Variants in TSPAN12 observed in about 807,000 individuals in gnomAD.
TSPAN12 encodes tetraspanin 12.
Under a neutral mutation model 39.2 loss-of-function variants are expected in TSPAN12, and 19 were observed. The ratio of observed to expected loss-of-function variants is 0.49; its 90% confidence interval spans 0.34 to 0.71. TSPAN12 has a LOEUF of 0.71. TSPAN12 is among the 30% of genes least tolerant of loss of function. The probability of loss-of-function intolerance (pLI) is 0.01; values close to 1 mark genes in which losing one functional copy is unlikely to be tolerated. For missense variants in TSPAN12, 314 were observed against 359.9 expected (o/e 0.87, Z 1.03); for synonymous variants, 119 against 124.8 (o/e 0.95, Z 0.31).
intron 4 of TSPAN12, among the ~76,000 whole-genome samples, chr7:120,827,173 G>T (rs529833765): frequency 6.6e-6 from 1 of 151,514 alleles, no homozygotes; most frequent in Non-Finnish European, 1.5e-5. Flanking sequence ...GTCTGCAAAA[G>T]TATCTCCTTC....
At chr7:120,799,518 AAT>A (rs1359390179) in intron 7 of TSPAN12, among the ~76,000 whole-genome samples, 3 of 107,910 alleles carry the variant, frequency 2.8e-5, no homozygotes, top group Non-Finnish European at 5.4e-5. Flanking sequence ...AATTATATAT[AAT>A]TAATTATATA....
rs754576787 is a variant in TSPAN12, at chr7:120,806,590, T to C, written c.571A>G (p.Lys191Glu). ...CCVREFPGCS[K>E]QAHQEDLSDL... Reference sequence around the variant, plus strand: ...CTGAGATCTTCCTGGTGGGCCTGTTTGGAACATCCTGGGAATTCTCTAACA... The same window carrying C: ...CTGAGATCTTCCTGGTGGGCCTGTTCGGAACATCCTGGGAATTCTCTAACA... The change falls in exon 7 of 8, where the codon AAA becomes GAA. Residue 191 changes from lysine to glutamate, a missense_variant. By Grantham distance (56) the Lys-to-Glu change is moderately conservative. Coordinates refer to ENST00000222747, the MANE Select transcript of TSPAN12 (RefSeq NM_012338.4). 2 of 1,613,584 alleles carry C rather than the reference T, an allele frequency of 1.2e-6. No individual in the cohort carries two copies. The highest frequency in any genetic ancestry group is 2.2e-5 in the East Asian group (1 of 44,866).
chr7:120,808,523 A>ATATGAG (rs1793917872), intron 6 of TSPAN12, among the ~76,000 whole-genome samples: 3 of 152,164 alleles, frequency 2.0e-5, no homozygotes, highest in African/African-American at 7.2e-5. Flanking sequence ...TCCATTTTAC[A>ATATGAG]TATGAGTAAA....
At chr7:120,819,989 C>CCTATCA (rs536764357) in intron 4 of TSPAN12, among the ~76,000 whole-genome samples, 81 of 152,108 alleles carry the variant, frequency 5.3e-4, no homozygotes, top group Non-Finnish European at 8.7e-4. Flanking sequence ...AGTGTACATC[C>CCTATCA]CTATCAATGT....
At chr7:120,839,927 T>C in intron 3 of TSPAN12, 100 bp downstream of exon 3, 1 of 1,018,658 alleles carries the variant, frequency 9.8e-7, no homozygotes, top group Admixed American at 1.9e-5. Context: ...AGGAAAAACT[T>C]TTCCAAAAGA....
intron 2 of TSPAN12, among the ~76,000 whole-genome samples, chr7:120,848,239 T>C (rs749577285): frequency 1.8e-4 from 27 of 152,188 alleles, no homozygotes; most frequent in Non-Finnish European, 3.8e-4. Flanking sequence ...TCCCTCTTAA[T>C]GCTCTTTGCA....
intron 4 of TSPAN12, among the ~76,000 whole-genome samples, chr7:120,828,462 G>A (rs1022271996): frequency 3.3e-5 from 5 of 152,090 alleles, no homozygotes; most frequent in African/African-American, 7.2e-5. Flanking sequence ...GCTTTCCAGT[G>A]TTATCACAAT....
At chr7:120,856,875 T>C (rs750321363) in intron 1 of TSPAN12, 42 bp from the exon 2 acceptor site, 23 of 1,190,102 alleles carry the variant, frequency 1.9e-5, no homozygotes, top group African/African-American at 3.0e-5. Flanking sequence ...CATCTCACCA[T>C]CACGCTTCCC....
intron 7 of TSPAN12, among the ~76,000 whole-genome samples, chr7:120,792,560 C>T (rs1324051318): frequency 1.3e-5 from 2 of 152,138 alleles, no homozygotes; most frequent in African/African-American, 4.8e-5. Context: ...CCTGAGATCT[C>T]TCCTCTGGCT....
At position 120,843,998 on chromosome 7, in the gene TSPAN12, G is replaced by A. The variant is rs1794625005; in HGVS notation, c.67-3889C>T. Among the ~76,000 whole-genome samples the A allele has an allele frequency of 2.0e-5, 3 of 152,254 alleles. No homozygotes were observed. The South Asian group carries it at 6.2e-4, about 32-fold the overall frequency. On this transcript the variant is annotated intron_variant, in intron 2 of 7. Transcript: ENST00000222747. ...GTTTAGTTGGCTCATGGTTCCTCAGGCTGTACAGGAAACATGGCTGGGGAG... is the reference window on the plus strand; with the variant it reads ...GTTTAGTTGGCTCATGGTTCCTCAGACTGTACAGGAAACATGGCTGGGGAG...
chr7:120,836,264 A>ATT (rs1700533703), intron 4 of TSPAN12, among the ~76,000 whole-genome samples: 1 of 152,214 alleles, frequency 6.6e-6, no homozygotes, highest in Non-Finnish European at 1.5e-5. Flanking sequence ...AGTTGAGACC[A>ATT]CAGATCATTC....
chr7:120,819,492 A>AT (rs1325792839), intron 4 of TSPAN12, among the ~76,000 whole-genome samples: 5 of 152,008 alleles, frequency 3.3e-5, no homozygotes, highest in African/African-American at 1.2e-4. Context: ...ATACAAAATA[A>AT]TTTTTTTTCT....
chr7:120,798,681 C>T, intron 7 of TSPAN12, among the ~76,000 whole-genome samples: 1 of 152,214 alleles, frequency 6.6e-6, no homozygotes, highest in East Asian at 1.9e-4. Context: ...ATTATCAGGA[C>T]ATACAGGAGT....
intron 5 of TSPAN12, 63 bp from the exon 6 acceptor site, chr7:120,810,633 C>T: frequency 1.3e-6 from 1 of 790,994 alleles, no homozygotes; most frequent in Non-Finnish European, 2.3e-6. Context: ...TTCACACACA[C>T]ACACACACAC....
At chr7:120,812,655 T>C (rs80035611) in intron 5 of TSPAN12, among the ~76,000 whole-genome samples, 1 of 152,178 alleles carries the variant, frequency 6.6e-6, no homozygotes, top group Non-Finnish European at 1.5e-5. Context: ...CACATTTTTT[T>C]CCCCCAAATA....
At chr7:120,857,531 A>C (rs1794897754) in intron 1 of TSPAN12, among the ~76,000 whole-genome samples, 1 of 151,842 alleles carries the variant, frequency 6.6e-6, no homozygotes, top group African/African-American at 2.4e-5. Flanking sequence ...CCGGGGAATT[A>C]GGGCCGATGC....
rs750100761 is a variant in TSPAN12 at position 120,856,711 on chromosome 7, T to C, written c.53A>G (p.Asn18Ser). The C allele has an allele frequency of 3.7e-6, 6 of 1,614,086 alleles. No individual in the cohort carries two copies. The highest frequency in any genetic ancestry group is 2.2e-5 in the East Asian group (1 of 44,890). ...AAACTTACTTACCCAAAAGAGCAGA[T>C]TGAGGGCGTAGAGCAGGCAGCGCAG... ...KCLRCLLYAL[N>S]LLFWLMSISV... The change falls in exon 2 of 8, where the codon AAT becomes AGT. Residue 18 changes from asparagine to serine, a missense_variant. By Grantham distance (46) the Asn-to-Ser change is conservative. Coordinates refer to ENST00000222747, the MANE Select transcript of TSPAN12 (RefSeq NM_012338.4).
intron 4 of TSPAN12, among the ~76,000 whole-genome samples, chr7:120,831,591 A>T (rs1794391579): frequency 6.6e-6 from 1 of 152,034 alleles, no homozygotes; most frequent in African/African-American, 2.4e-5. Flanking sequence ...GAACCTAAAA[A>T]GTGTTGATCT....
chr7:120,816,235 T>A (rs552936115), intron 4 of TSPAN12, among the ~76,000 whole-genome samples: 3 of 152,222 alleles, frequency 2.0e-5, no homozygotes, highest in South Asian at 4.1e-4. Flanking sequence ...TTCCTTTGCA[T>A]TCTTGGAAAA....
Sources: gnomAD v4.1 joint callset for allele counts (sites outside exome capture counted in the v4.1 genomes callset) on GRCh38, gnomAD v4.1.1 for gene constraint, MANE v1.5 for transcripts, NCBI Gene and HGNC (gene_info 2026-07-23, HGNC 2026-07-21) for gene names.